The following SYNE1 variants were observed in gnomAD, a reference collection of about 807,000 sequenced individuals.
SYNE1 encodes nesprin-1.
Under a neutral mutation model 1,111.0 loss-of-function variants are expected in SYNE1, and 616 were observed. The observed-to-expected ratio is 0.55, with a 90% CI of 0.52 to 0.59. SYNE1 has a LOEUF of 0.59. SYNE1 is among the 20% of genes least tolerant of loss of function. SYNE1 has a pLI of 0.00. For synonymous variants in SYNE1, 3,855 were observed against 3,825.8 expected, an observed-to-expected ratio of 1.01 and a Z score of -0.28; for missense variants, 10,006 against 10,417.0, an observed-to-expected ratio of 0.96 and a Z score of 1.72.
chr6:152,234,724 A>G lies in SYNE1; in HGVS notation c.20473T>C (p.Ser6825Pro), dbSNP rs1293304138. ...KDRLEFWTQQSVTVPQELEMV... is the reference protein window; with the variant it reads ...KDRLEFWTQQPVTVPQELEMV... ...TCCAGCTCTTGTGGGACTGTCACAG[A>G]TTGCTGAGTCCAAAATTCTAGCCGG... Residue 6825 changes from serine to proline, a missense_variant, in exon 111 of 146, where the codon TCT becomes CCT. Ser to Pro is a moderately conservative substitution (Grantham distance 74). This residue lies in a region of SYNE1 where 2,182 missense variants were observed against 2,287.8 expected (regional missense o/e 0.95). Coordinates refer to ENST00000367255, the MANE Select transcript of SYNE1 (RefSeq NM_182961.4). The G allele has an allele frequency of 6.2e-7, 1 of 1,614,184 alleles. No individual in the cohort carries two copies. Among genetic ancestry groups the G allele is most frequent in the African/African-American group, 1.3e-5 (1 of 75,048 alleles).
chr6:152,458,234 G>A (rs190897796), intron 22 of SYNE1, among the ~76,000 whole-genome samples: 4 of 152,256 alleles, frequency 2.6e-5, no homozygotes, highest in Admixed American at 2.6e-4. Context: ...AAAGTCCTTT[G>A]ATTATGGGTA....
intron 3 of SYNE1, among the ~76,000 whole-genome samples, chr6:152,592,280 T>G (rs942752316): frequency 6.6e-6 from 1 of 152,148 alleles, no homozygotes; most frequent in African/African-American, 2.4e-5. Context: ...TTCCTTGCTG[T>G]ACCATTCACA....
chr6:152,453,186 C>T (rs186373166), intron 25 of SYNE1, among the ~76,000 whole-genome samples: 157 of 152,114 alleles, frequency 1.0e-3, no homozygotes, highest in African/African-American at 3.6e-3. Flanking sequence ...ATAGCTATCT[C>T]AACTAGATGA....
chr6:152,462,532 C>T lies in SYNE1; in HGVS notation c.2250+206G>A, dbSNP rs532516556. The T allele has an allele frequency of 7.7e-5, 47 of 613,372 alleles. 1 individual carries two copies. In the South Asian group the frequency reaches 9.5e-4, roughly 12 times the overall value. The allele number at this position is 613,372 out of a possible 1,614,324, so 38.0% of individuals were successfully genotyped here. A position where few individuals can be genotyped will look rare whatever the true frequency, so the allele number is the denominator to read the frequency against. On this transcript the variant is annotated intron_variant, in intron 20 of 145. Coordinates refer to ENST00000367255, the MANE Select transcript of SYNE1 (RefSeq NM_182961.4). ...AAAAAAAAATCTCCAAACTGAGAAACAATTTGAAGTTACTTTATATGATCA... is the reference window on the plus strand; with the variant it reads ...AAAAAAAAATCTCCAAACTGAGAAATAATTTGAAGTTACTTTATATGATCA...
chr6:152,428,635 A>G (rs1418623695), intron 36 of SYNE1, among the ~76,000 whole-genome samples: 1 of 152,190 alleles, frequency 6.6e-6, no homozygotes, highest in African/African-American at 2.4e-5. Flanking sequence ...AATAGTTTGA[A>G]TGTTTCTTGA....
intron 58 of SYNE1, among the ~76,000 whole-genome samples, chr6:152,374,225 G>A (rs2097240595): frequency 6.6e-6 from 1 of 152,184 alleles, no homozygotes; most frequent in Admixed American, 6.5e-5. Context: ...AGAGCTCAAA[G>A]AATAGTCTTC....
chr6:152,497,770 T>C (rs1326763062), intron 11 of SYNE1, among the ~76,000 whole-genome samples: 3 of 152,192 alleles, frequency 2.0e-5, no homozygotes, highest in South Asian at 4.1e-4. Flanking sequence ...AAGAGAAAAA[T>C]GAAGTACAAA....
In SYNE1 at chr6:152,236,933, C is replaced by T. The variant is rs1157826530; in HGVS notation, c.20083G>A (p.Asp6695Asn). Residue 6695 changes from aspartate to asparagine, a missense_variant, in exon 109 of 146, where the codon GAT becomes AAT. Physicochemically the swap from Asp to Asn is conservative, Grantham distance 23 (BLOSUM62 1). This residue lies in a region of SYNE1 where 2,182 missense variants were observed against 2,287.8 expected (regional missense o/e 0.95). Transcript: ENST00000367255. ...CTGCTGAGCTCCTGCTGGTCCTCAT[C>T]CAGATGGGACCACGTCTAGAAACAC... ...EYILETWSHLDEDQQELSRQL... is the reference protein window; with the variant it reads ...EYILETWSHLNEDQQELSRQL... 6.2e-7 allele frequency: 1 copy of T among 1,614,064 alleles called. No homozygotes were observed. Among genetic ancestry groups the T allele is most frequent in the East Asian group, 2.2e-5 (1 of 44,866 alleles).
At chr6:152,533,125 G>A (rs1475564720) in intron 4 of SYNE1, among the ~76,000 whole-genome samples, 1 of 152,056 alleles carries the variant, frequency 6.6e-6, no homozygotes, top group Non-Finnish European at 1.5e-5. Context: ...AATATCTTCA[G>A]AAACAAAGTG....
chr6:152,134,386 C>T (rs66553845), intron 142 of SYNE1: 26,001 of 152,242 alleles, frequency 0.17, 2,431 homozygotes, highest in African/African-American at 0.25. Flanking sequence ...TTGAAAGACT[C>T]GGCTGGGTGT....
chr6:152,357,800 A>G (rs1396889852), intron 66 of SYNE1, among the ~76,000 whole-genome samples: 1 of 152,158 alleles, frequency 6.6e-6, no homozygotes, highest in Non-Finnish European at 1.5e-5. Context: ...TGAATGAGTA[A>G]ATAAGTATAT....
Position 152,152,076 on chromosome 6 carries a change from G to A in SYNE1, c.24195C>T (p.Arg8065=). 6.2e-7 allele frequency: 1 copy of A among 1,614,200 alleles called. No homozygotes were observed. The highest frequency in any genetic ancestry group is 8.5e-7 in the Non-Finnish European group (1 of 1,180,034). The change falls in exon 134 of 146, where the codon CGC becomes CGT. Residue 8065 remains arginine (R), a synonymous_variant. Coordinates refer to ENST00000367255, the MANE Select transcript of SYNE1 (RefSeq NM_182961.4). ...QLELINKQYR[R]LARENRTDSA... ...AATCAGTGCGGTTCTCCCTGGCCAG[G>A]CGGCGGTACTGCTTGTTGATCAGTT...
rs201119815 is a variant in SYNE1 at position 152,206,145 on chromosome 6, CG to C, written c.23019+22del. ...CAACGACTAAAAGGGTTTTTTGGTT[CG>C]TTTTTTTCTAACTGAACTTACTTTC... On this transcript the variant is annotated intron_variant, in intron 126 of 145. Transcript: ENST00000367255. 1,781 of 1,611,536 alleles carry C rather than the reference CG, an allele frequency of 1.1e-3. 24 individuals are homozygous for C. The African/African-American group carries it at 0.021, about 19-fold the overall frequency.
At chr6:152,503,081 CTA>C (rs1171883567) in intron 9 of SYNE1, among the ~76,000 whole-genome samples, 2 of 152,046 alleles carry the variant, frequency 1.3e-5, no homozygotes, top group African/African-American at 4.8e-5. Context: ...CATACTAGTT[CTA>C]TTCATACTAG....
Position 152,323,341 on chromosome 6 carries a change from A to C in SYNE1, c.15917+137T>G, listed in dbSNP as rs12206044. The stretch of plus-strand genomic sequence containing the variant: ...TAGTCCCAGCTACTCAGAGAGGCTG[A>C]GGCAGGAGAATGGCGTGAACCCGGG... On this transcript the variant is annotated intron_variant, in intron 82 of 145. Coordinates refer to ENST00000367255, the MANE Select transcript of SYNE1 (RefSeq NM_182961.4). 435,117 of 1,313,504 alleles carry C rather than the reference A, an allele frequency of 0.33. 79,317 individuals carry two copies. Among genetic ancestry groups the C allele is most frequent in the East Asian group, 0.79 (30,532 of 38,736 alleles). The allele number at this position is 1,313,504 out of a possible 1,614,324, so 81.4% of individuals were successfully genotyped here. A position where few individuals can be genotyped will look rare whatever the true frequency, so the allele number is the denominator to read the frequency against.
chr6:152,577,641 C>T (rs1404870817), intron 3 of SYNE1, among the ~76,000 whole-genome samples: 2 of 151,098 alleles, frequency 1.3e-5, no homozygotes, highest in Non-Finnish European at 3.0e-5. Flanking sequence ...TCAACGACAA[C>T]AAAAGAAAAA....
intron 12 of SYNE1, among the ~76,000 whole-genome samples, chr6:152,486,217 AAC>A (rs374698336): frequency 1.6e-4 from 24 of 151,432 alleles, no homozygotes; most frequent in African/African-American, 5.6e-4. Context: ...TATTAAAAAA[AAC>A]AACAAAAAAA....
At chr6:152,456,940 C>T in intron 22 of SYNE1, 2 of 236,950 alleles carry the variant, frequency 8.4e-6, no homozygotes, top group Non-Finnish European at 1.7e-5. Flanking sequence ...CTTTTGAAAA[C>T]TTAGGAGATA....
Position 152,189,317 on chromosome 6 carries a change from C to T in SYNE1, c.23236G>A (p.Asp7746Asn). Reference sequence around the variant, plus strand: ...ACGCGTTCATTAAGAATGGAGATATCATCAGCACTGATATAGGCAGAGAGG... The same window carrying T: ...ACGCGTTCATTAAGAATGGAGATATTATCAGCACTGATATAGGCAGAGAGG... ...DTLSAYISAD[D>N]ISILNERVEL... is the part of the protein sequence containing the mutation. Residue 7746 changes from aspartate to asparagine, a missense_variant, in exon 128 of 146, where the codon GAT (aspartate) becomes AAT (asparagine). This residue lies in a region of SYNE1 where 2,182 missense variants were observed against 2,287.8 expected (regional missense o/e 0.95). Coordinates refer to ENST00000367255, the MANE Select transcript of SYNE1 (RefSeq NM_182961.4). 6.2e-7 allele frequency: 1 copy of T among 1,614,062 alleles called. No homozygotes were observed. Among genetic ancestry groups the T allele is most frequent in the Non-Finnish European group, 8.5e-7 (1 of 1,179,996 alleles).
Sources: gnomAD v4.1 joint callset for allele counts (sites outside exome capture counted in the v4.1 genomes callset) on GRCh38, gnomAD v4.1.1 for gene constraint, gnomAD v4.1.1 regional missense constraint, MANE v1.5 for transcripts, NCBI Gene and HGNC (gene_info 2026-07-23, HGNC 2026-07-21) for gene names.